LAMA2: variants seen among roughly 807,000 people sequenced by gnomAD.
LAMA2 encodes the protein laminin subunit alpha-2.
Under a neutral mutation model 364.8 loss-of-function variants are expected in LAMA2, and 269 were observed. The ratio of observed to expected loss-of-function variants is 0.74; its 90% CI spans 0.67 to 0.82. The LOEUF is 0.82. Ranked by LOEUF, LAMA2 falls within the 40% of genes least tolerant of loss-of-function variation. LAMA2 has a pLI of 0.00. For missense variants in LAMA2, 3,807 were observed against 3,873.2 expected (o/e 0.98, Z 0.45); for synonymous variants, 1,379 against 1,370.6 (o/e 1.01, Z -0.14).
intron 3 of LAMA2, among the ~76,000 whole-genome samples, chr6:129,097,180 A>C (rs1378956961): frequency 6.6e-6 from 1 of 152,188 alleles, no homozygotes; most frequent in Non-Finnish European, 1.5e-5. Flanking sequence ...ATACTGTTTT[A>C]TTATTATAGC....
intron 58 of LAMA2, among the ~76,000 whole-genome samples, chr6:129,496,825 C>A (rs1785228985): frequency 6.6e-6 from 1 of 152,140 alleles, no homozygotes; most frequent in African/African-American, 2.4e-5. Context: ...TCCATGAATT[C>A]TGGCAGGTTA....
chr6:129,117,240 A>C lies in LAMA2; in HGVS notation c.639+18825A>C, dbSNP rs529256397. Reference sequence around the variant, plus strand: ...TATGTAAGGATGTCAGATAGAAAAAAGTAAAAGGATTTCAAGCATCACTAG... The same window carrying C: ...TATGTAAGGATGTCAGATAGAAAAACGTAAAAGGATTTCAAGCATCACTAG... On this transcript the variant is annotated intron_variant, in intron 4 of 64. Coordinates refer to ENST00000421865, the MANE Select transcript of LAMA2 (RefSeq NM_000426.4). Among the ~76,000 whole-genome samples the C allele has an allele frequency of 1.2e-4, 18 of 152,326 alleles. No individual in the cohort carries two copies. The East Asian group carries it at 3.1e-3, about 26-fold the overall frequency.
chr6:129,191,379 G>C (rs1380538684), intron 11 of LAMA2, among the ~76,000 whole-genome samples: 1 of 152,172 alleles, frequency 6.6e-6, no homozygotes, highest in East Asian at 1.9e-4. Flanking sequence ...GTTATCAACT[G>C]TATTGCTTTC....
intron 20 of LAMA2, 64 bp from the exon 21 acceptor site, chr6:129,297,621 G>A: frequency 6.9e-7 from 1 of 1,448,830 alleles, no homozygotes; most frequent in African/African-American, 1.4e-5. Context: ...TTGGTATTGT[G>A]CATCTTGCTT....
chr6:129,202,171 GA>G (rs1247463672), intron 12 of LAMA2, among the ~76,000 whole-genome samples: 2 of 119,116 alleles, frequency 1.7e-5, no homozygotes, highest in African/African-American at 6.6e-5. Context: ...CTAAGCAACA[GA>G]GCGAGAGTCT....
chr6:128,990,309 T>C (rs1783530427), intron 1 of LAMA2, among the ~76,000 whole-genome samples: 1 of 148,052 alleles, frequency 6.8e-6, no homozygotes, highest in Admixed American at 6.6e-5. Flanking sequence ...TGATTATTTA[T>C]GGTTTAATGG....
At chr6:129,288,222 TACTA>T (rs375324853) in intron 19 of LAMA2, among the ~76,000 whole-genome samples, 164 bp downstream of exon 19, 41 of 152,324 alleles carry the variant, frequency 2.7e-4, no homozygotes, top group African/African-American at 7.9e-4. Flanking sequence ...CATTTCCTTG[TACTA>T]ACTAATAGAG....
Position 129,492,036 on chromosome 6 carries a change from T to C in LAMA2, c.8034T>C (p.Pro2678=), listed in dbSNP as rs555978640. 1.9e-6 allele frequency: 3 copies of C among 1,614,128 alleles called. No individual in the cohort carries two copies. In the South Asian group the frequency reaches 3.3e-5, roughly 18 times the overall value. ...AACCTTCCCCACTCAGAAATATTCC[T>C]CCTTTTGAAGGCTGCATATGGAATC... ...EFQPSPLRNI[P]PFEGCIWNLV... The change falls in exon 57 of 65, where the codon CCT becomes CCC. Residue 2678 remains proline (P), a synonymous_variant. Coordinates refer to ENST00000421865, the MANE Select transcript of LAMA2 (RefSeq NM_000426.4).
At chr6:129,440,708 G>A in intron 42 of LAMA2, 108 bp from the exon 43 acceptor site, 1 of 972,936 alleles carries the variant, frequency 1.0e-6, no homozygotes, top group Non-Finnish European at 1.7e-6. Flanking sequence ...TTTTCCCTTT[G>A]TAAATGTGTC....
Position 129,514,498 on chromosome 6 carries a change from G to T in LAMA2, c.9114G>T (p.Glu3038Asp). The T allele has an allele frequency of 6.2e-7, 1 of 1,614,128 alleles. No homozygotes were observed. The highest frequency in any genetic ancestry group is 8.5e-7 in the Non-Finnish European group (1 of 1,180,004). ...CCAACAAGATCAAACACCGCATTGA[G>T]CTCACAGTCGATGGGAACCAGGTGG... Reference protein sequence around the residue: ...VTANKIKHRIELTVDGNQVEA... With the variant: ...VTANKIKHRIDLTVDGNQVEA... Residue 3038 changes from glutamate (E) to aspartate (D), a missense_variant, in exon 64 of 65, where the codon GAG becomes GAT. By Grantham distance (45) the Glu-to-Asp change is conservative. Around this residue, in one of 3 missense-constraint regions of LAMA2, gnomAD observed 3,333 missense variants for 3,345.7 expected, o/e 1.00. Coordinates refer to ENST00000421865, the MANE Select transcript of LAMA2 (RefSeq NM_000426.4).
intron 4 of LAMA2, among the ~76,000 whole-genome samples, chr6:129,099,137 T>TC (rs1227243506): frequency 6.7e-6 from 1 of 148,592 alleles, no homozygotes; most frequent in African/African-American, 2.5e-5. Context: ...TTTTTTTTTT[T>TC]TTGTTTTCTG....
chr6:129,082,710 C>A (rs183019662), intron 3 of LAMA2, among the ~76,000 whole-genome samples: 9 of 152,064 alleles, frequency 5.9e-5, no homozygotes, highest in Admixed American at 3.9e-4. Flanking sequence ...AGCTTTAATT[C>A]TCTTGATTTT....
At chr6:129,437,158 C>T (rs61511648) in intron 41 of LAMA2, among the ~76,000 whole-genome samples, 1 of 152,002 alleles carries the variant, frequency 6.6e-6, no homozygotes, top group Non-Finnish European at 1.5e-5. Flanking sequence ...TGGTAGAATG[C>T]AGTAGTTAGC....
chr6:129,210,097 T>A lies in LAMA2; in HGVS notation c.1782+17244T>A, dbSNP rs556517786. Among the ~76,000 whole-genome samples, 17 of 151,548 alleles carry A rather than the reference T, an allele frequency of 1.1e-4. No homozygotes were observed. In the East Asian group the frequency reaches 2.5e-3, roughly 23 times the overall value. On this transcript the variant is annotated intron_variant, in intron 12 of 64. Transcript: ENST00000421865. ...GGGGAAATCTACGTTTTTAATCAGC[T>A]CCCCAAGTGATTATTTACCCATAAG...
intron 58 of LAMA2, among the ~76,000 whole-genome samples, chr6:129,493,130 G>C (rs1023656972): frequency 6.6e-6 from 1 of 152,080 alleles, no homozygotes; most frequent in Admixed American, 6.6e-5. Flanking sequence ...ACTCCAGCCT[G>C]GGCAACAGAG....
intron 1 of LAMA2, among the ~76,000 whole-genome samples, chr6:128,941,449 A>T (rs1780151200): frequency 6.6e-6 from 1 of 152,112 alleles, no homozygotes. Context: ...TGAATGAATG[A>T]ATCAATCAAT....
intron 35 of LAMA2, among the ~76,000 whole-genome samples, chr6:129,384,736 T>A (rs1242800006): frequency 6.6e-6 from 1 of 152,060 alleles, no homozygotes; most frequent in African/African-American, 2.4e-5. Flanking sequence ...CCCACGTCTA[T>A]ACACCAGAGA....
intron 1 of LAMA2, among the ~76,000 whole-genome samples, chr6:128,944,463 C>A (rs1288072014): frequency 6.6e-6 from 1 of 152,014 alleles, no homozygotes; most frequent in Admixed American, 6.6e-5. Flanking sequence ...TCCATTCTTG[C>A]ATTGCTAAAA....
At chr6:129,460,578 T>A (rs1583805246) in intron 49 of LAMA2, among the ~76,000 whole-genome samples, 1 of 152,166 alleles carries the variant, frequency 6.6e-6, no homozygotes, top group East Asian at 1.9e-4. Context: ...TTTGCAAAGG[T>A]AAGAGATTTT....
Sources: allele counts gnomAD v4.1 joint callset (sites outside exome capture counted in the v4.1 genomes callset), GRCh38; gene constraint gnomAD v4.1.1; regional missense constraint gnomAD v4.1.1; transcripts MANE v1.5; gene names NCBI Gene and HGNC (gene_info 2026-07-23, HGNC 2026-07-21).